The following ADAMTS16 variants were observed in gnomAD, a reference collection of about 807,000 sequenced individuals.
The protein encoded by ADAMTS16 is ADAM metallopeptidase with thrombospondin type 1 motif 16.
A neutral mutation model predicts 145.8 loss-of-function variants in ADAMTS16; 94 were observed. That is an observed-to-expected ratio of 0.64 (90% CI 0.55 to 0.77). The LOEUF (loss-of-function observed/expected upper bound fraction) is 0.77. Ranked by LOEUF, ADAMTS16 falls within the 30% of genes least tolerant of loss-of-function variation. The pLI, the probability that ADAMTS16 is intolerant of heterozygous loss-of-function variation, is 0.00. For synonymous variants in ADAMTS16, 659 were observed against 604.3 expected (o/e 1.09, Z -1.33); for missense variants, 1,585 against 1,591.5 (o/e 1.00, Z 0.07).
At chr5:5,146,528 TCC>T in intron 3 of ADAMTS16, 73 bp downstream of exon 3, 2 of 1,421,378 alleles carry the variant, frequency 1.4e-6, no homozygotes, top group Non-Finnish European at 1.9e-6. Context: ...ACCAGGACTT[TCC>T]CTCGATTTCG....
chr5:5,273,379 C>T (rs756981407), intron 18 of ADAMTS16, among the ~76,000 whole-genome samples: 44 of 152,288 alleles, frequency 2.9e-4, no homozygotes, highest in Non-Finnish European at 6.0e-4. Flanking sequence ...AAAAACTTAG[C>T]TGATGTGGTG....
chr5:5,209,154 G>A lies in ADAMTS16; in HGVS notation c.1513G>A (p.Glu505Lys), dbSNP rs754061130. 12 of 1,613,906 alleles carry A rather than the reference G, an allele frequency of 7.4e-6. No individual in the cohort carries two copies. In the Admixed American group the frequency reaches 1.8e-4, roughly 25 times the overall value. ...GCCTGTGAAGGAATACAAGTATCCT[G>A]AGAAATTGCCAGGAGAATTATATGA... The part of the protein sequence containing the change: ...PKPVKEYKYP[E>K]KLPGELYDAN... Residue 505 changes from glutamate to lysine, a missense_variant, in exon 10 of 23, where the codon GAG becomes AAG. Transcript: ENST00000274181.
At chr5:5,151,676 CTTTGTGTGTG>C (rs1734462507) in intron 3 of ADAMTS16, among the ~76,000 whole-genome samples, 1 of 120,254 alleles carries the variant, frequency 8.3e-6, no homozygotes, top group Non-Finnish European at 1.7e-5. Context: ...CCATAGTTCC[CTTTGTGTGTG>C]TGTGTGTGTG....
intron 6 of ADAMTS16, 47 bp downstream of exon 6, chr5:5,187,855 A>G: frequency 1.6e-6 from 2 of 1,283,002 alleles, no homozygotes; most frequent in Non-Finnish European, 2.2e-6. Context: ...CTAGAAAAAT[A>G]AATGCAAAAT....
chr5:5,256,897 T>A (rs1039928554), intron 17 of ADAMTS16, among the ~76,000 whole-genome samples: 1 of 152,182 alleles, frequency 6.6e-6, no homozygotes, highest in African/African-American at 2.4e-5. Context: ...AAAGTAAGTG[T>A]AAGGAAAGGA....
intron 18 of ADAMTS16, among the ~76,000 whole-genome samples, chr5:5,272,721 C>T (rs770621831): frequency 6.6e-6 from 1 of 152,160 alleles, no homozygotes; most frequent in Non-Finnish European, 1.5e-5. Flanking sequence ...GGCCCACGAA[C>T]GGCACAGTCA....
chr5:5,232,267 T>C, intron 11 of ADAMTS16, 101 bp from the exon 12 acceptor site: 2 of 1,385,302 alleles, frequency 1.4e-6, no homozygotes, highest in South Asian at 1.2e-5. Context: ...GTCTGCATAG[T>C]TTACAAAATT....
In ADAMTS16 at chr5:5,310,875, G is replaced by T. The variant is rs964444705; in HGVS notation, c.3411+4147G>T. On this transcript the variant is annotated intron_variant, in intron 21 of 22. Transcript: ENST00000274181. This position sits in a 1 kb window ranked among gnomAD's most constrained non-coding sequence, Gnocchi z 4.3. ...TTTGTGTCCTTGTCTCATTTTGTCT[G>T]TTCCTGACCCCAGAGAGGGTCAGCT... 6.6e-6 allele frequency among the ~76,000 whole-genome samples: 1 copy of T among 152,180 alleles called. No individual in the cohort carries two copies. The highest frequency in any genetic ancestry group is 1.5e-5 in the Non-Finnish European group (1 of 68,034).
chr5:5,300,667 G>A (rs1370559994), intron 18 of ADAMTS16, among the ~76,000 whole-genome samples: 1 of 152,156 alleles, frequency 6.6e-6, no homozygotes, highest in Non-Finnish European at 1.5e-5. Flanking sequence ...CAAGGGTTTG[G>A]GGCGGGATCA....
chr5:5,168,911 C>G (rs879129280), intron 3 of ADAMTS16, among the ~76,000 whole-genome samples: 1 of 151,008 alleles, frequency 6.6e-6, no homozygotes, highest in Admixed American at 6.6e-5. Context: ...CACATTGAAT[C>G]TGGGATAGCC....
intron 11 of ADAMTS16, among the ~76,000 whole-genome samples, chr5:5,224,128 C>T (rs1736685669): frequency 1.3e-5 from 2 of 151,984 alleles, no homozygotes; most frequent in African/African-American, 4.8e-5. Flanking sequence ...TAGCCCCCAG[C>T]CACCATTCAT....
rs761500934 is a variant in ADAMTS16, at chr5:5,237,089, G to A, written c.2144G>A (p.Gly715Glu). 1.2e-6 allele frequency: 2 copies of A among 1,613,082 alleles called. No individual in the cohort carries two copies. Among genetic ancestry groups the A allele is most frequent in the Non-Finnish European group, 8.5e-7 (1 of 1,179,660 alleles). Residue 715 changes from glycine to glutamate, a missense_variant, in exon 14 of 23, where the codon GGG (glycine) becomes GAG (glutamate). By Grantham distance (98) the Gly-to-Glu change is moderately conservative. This residue lies in a region of ADAMTS16 where 834 missense variants were observed against 811.7 expected (regional missense o/e 1.03). Coordinates refer to ENST00000274181, the MANE Select transcript of ADAMTS16 (RefSeq NM_139056.4). ...GATAGCCGTAATGTTTGTATAGATG[G>A]GATATGTGAGGTAATCATGATCCTT... ...SEDSRNVCID[G>E]ICERVGCDNV...
chr5:5,270,707 A>C (rs919401787), intron 18 of ADAMTS16, among the ~76,000 whole-genome samples: 6 of 152,324 alleles, frequency 3.9e-5, no homozygotes, highest in African/African-American at 1.2e-4. Flanking sequence ...ATGTTGCTTT[A>C]CTTTTCTTCT....
chr5:5,248,805 A>G (rs562166526), intron 17 of ADAMTS16, among the ~76,000 whole-genome samples: 10 of 152,356 alleles, frequency 6.6e-5, no homozygotes, highest in African/African-American at 2.4e-4. Flanking sequence ...GGCTGTCTGT[A>G]CATATTTTTA....
chr5:5,267,650 C>T (rs1738291954), intron 18 of ADAMTS16, among the ~76,000 whole-genome samples: 1 of 152,148 alleles, frequency 6.6e-6, no homozygotes, highest in African/African-American at 2.4e-5. Context: ...ATATGTTTCG[C>T]TCGACGTCCA....
At chr5:5,252,294 A>AG (rs1737653800) in intron 17 of ADAMTS16, among the ~76,000 whole-genome samples, 1 of 152,240 alleles carries the variant, frequency 6.6e-6, no homozygotes, top group Non-Finnish European at 1.5e-5. Flanking sequence ...GGGAGCCCCC[A>AG]GAGAGATTTC....
intron 21 of ADAMTS16, among the ~76,000 whole-genome samples, chr5:5,308,492 A>T (rs1194089532): frequency 6.6e-6 from 1 of 152,190 alleles, no homozygotes; most frequent in Non-Finnish European, 1.5e-5. Flanking sequence ...AGCTATCAGC[A>T]TAACAAGCCC....
At chr5:5,254,019 C>G (rs924902932) in intron 17 of ADAMTS16, among the ~76,000 whole-genome samples, 1 of 152,202 alleles carries the variant, frequency 6.6e-6, no homozygotes, top group East Asian at 1.9e-4. Flanking sequence ...CTCGTCAGTC[C>G]TACACCTACG....
intron 3 of ADAMTS16, among the ~76,000 whole-genome samples, chr5:5,177,687 G>T (rs1286333629): frequency 6.6e-6 from 1 of 152,122 alleles, no homozygotes; most frequent in Admixed American, 6.5e-5. Context: ...AAATTATCTA[G>T]TGTTTCTGAA....
Sources: gnomAD v4.1 joint callset for allele counts (sites outside exome capture counted in the v4.1 genomes callset) on GRCh38, gnomAD v4.1.1 for gene constraint, gnomAD v4.1.1 regional missense constraint, Gnocchi (gnomAD v3.1) non-coding constraint, MANE v1.5 for transcripts, NCBI Gene and HGNC (gene_info 2026-07-23, HGNC 2026-07-21) for gene names.